The following DGKB variants were observed in gnomAD, a reference collection of about 807,000 sequenced individuals.
DGKB encodes the protein diacylglycerol kinase beta.
Under a neutral mutation model 114.3 loss-of-function variants are expected in DGKB, and 67 were observed. The observed-to-expected ratio is 0.59, with a 90% CI of 0.48 to 0.72. The LOEUF (loss-of-function observed/expected upper bound fraction) is 0.72. Among genes scored for constraint, DGKB ranks in the 30% least tolerant of loss-of-function variants. DGKB has a pLI of 0.00. For synonymous variants in DGKB, 398 were observed against 323.1 expected, an observed-to-expected ratio of 1.23 and a Z score of -2.49; for missense variants, 907 against 975.2, an observed-to-expected ratio of 0.93 and a Z score of 0.93.
chr7:14,681,716 C>G (rs1226390008), intron 12 of DGKB, among the ~76,000 whole-genome samples: 1 of 152,068 alleles, frequency 6.6e-6, no homozygotes, highest in Non-Finnish European at 1.5e-5. Context: ...TTCTAATTAA[C>G]TTACAGAAAT....
chr7:14,492,917 C>T (rs1784795955), intron 20 of DGKB, among the ~76,000 whole-genome samples: 1 of 152,012 alleles, frequency 6.6e-6, no homozygotes, highest in Non-Finnish European at 1.5e-5. Context: ...TAGTAATAGC[C>T]ATAGTCAAAT....
chr7:14,948,722 G>A (rs1786014336), intron 1 of DGKB, among the ~76,000 whole-genome samples: 2 of 151,562 alleles, frequency 1.3e-5, no homozygotes, highest in Admixed American at 6.6e-5. Flanking sequence ...ATTACATTTA[G>A]TAAAATATGA....
intron 25 of DGKB, among the ~76,000 whole-genome samples, chr7:14,175,328 C>T (rs1781569613): frequency 6.6e-6 from 1 of 152,174 alleles, no homozygotes; most frequent in Non-Finnish European, 1.5e-5. Context: ...TTAAGACCTT[C>T]CCCTGTTGCC....
chr7:14,337,593 A>G (rs553192206), intron 23 of DGKB, among the ~76,000 whole-genome samples: 17 of 152,238 alleles, frequency 1.1e-4, no homozygotes, highest in African/African-American at 3.8e-4. Flanking sequence ...GCTATTGCCC[A>G]CCACCATAAA....
intron 5 of DGKB, among the ~76,000 whole-genome samples, chr7:14,724,208 TA>T (rs1346745835): frequency 6.6e-6 from 1 of 152,214 alleles, no homozygotes; most frequent in African/African-American, 2.4e-5. Flanking sequence ...ATAGTATAAT[TA>T]TATTTCCAAC....
At position 14,172,404 on chromosome 7, in the gene DGKB, T is replaced by A. The variant is rs563054153; in HGVS notation, c.2304+4435A>T. On this transcript the variant is annotated intron_variant, in intron 25 of 25. Coordinates refer to ENST00000402815, the MANE Select transcript of DGKB (RefSeq NM_001350709.2). ...GGTTTTGCCAGGAATGAGAGAGAAA[T>A]GAATTGGGCCAAATCTAAAACAGTG... Among the ~76,000 whole-genome samples, 41 of 152,082 alleles carry A rather than the reference T, an allele frequency of 2.7e-4. No homozygotes were observed. In the South Asian group the frequency reaches 8.1e-3, roughly 30 times the overall value.
chr7:14,503,627 C>T (rs1786555053), intron 20 of DGKB, among the ~76,000 whole-genome samples: 1 of 152,094 alleles, frequency 6.6e-6, no homozygotes, highest in South Asian at 2.1e-4. Flanking sequence ...ATAAGATTAA[C>T]TCCGAGATTT....
chr7:14,853,141 A>G (rs1049900151), intron 1 of DGKB, among the ~76,000 whole-genome samples: 2 of 152,164 alleles, frequency 1.3e-5, no homozygotes, highest in African/African-American at 4.8e-5. Flanking sequence ...GAAAATCACT[A>G]TTGAAGCACG....
intron 23 of DGKB, among the ~76,000 whole-genome samples, chr7:14,331,306 G>A (rs1483728846): frequency 1.3e-5 from 2 of 151,962 alleles, no homozygotes; most frequent in African/African-American, 2.4e-5. Context: ...ACAACCAGGT[G>A]TAATAATGCT....
intron 1 of DGKB, among the ~76,000 whole-genome samples, chr7:14,927,921 T>G (rs1194781671): frequency 6.6e-6 from 1 of 152,062 alleles, no homozygotes; most frequent in Non-Finnish European, 1.5e-5. Context: ...ATTACATTAT[T>G]GGCTAGTATC....
In DGKB at chr7:14,241,520, A is replaced by G. The variant is rs1793639097; in HGVS notation, c.2123-63369T>C. ...TACATACGTCAGGAAATTGTCCTTAAGAAATCAGCTGACTTTAAGTAGCTT... is the reference window on the plus strand; with the variant it reads ...TACATACGTCAGGAAATTGTCCTTAGGAAATCAGCTGACTTTAAGTAGCTT... On this transcript the variant is annotated intron_variant, in intron 23 of 25. Transcript: ENST00000402815. 3.3e-5 allele frequency among the ~76,000 whole-genome samples: 5 copies of G among 152,178 alleles called. No individual in the cohort carries two copies. The South Asian group carries it at 8.3e-4, about 25-fold the overall frequency.
At chr7:14,350,365 G>A (rs1053888951) in intron 21 of DGKB, among the ~76,000 whole-genome samples, 23 of 151,572 alleles carry the variant, frequency 1.5e-4, no homozygotes, top group African/African-American at 5.1e-4. Context: ...GGCTTTCATC[G>A]GCTTAGTAAC....
Position 14,181,174 on chromosome 7 carries a change from T to A in DGKB, c.2123-3023A>T, listed in dbSNP as rs939856192. Among the ~76,000 whole-genome samples the A allele has an allele frequency of 2.0e-5, 3 of 152,210 alleles. No individual in the cohort carries two copies. The East Asian group carries it at 5.8e-4, about 29-fold the overall frequency. Reference sequence around the variant, plus strand: ...TTCACTGGTTTAGGTCTTGTCTATGTCTCTTTTTGTACTACAGAGGCACAG... The same window carrying A: ...TTCACTGGTTTAGGTCTTGTCTATGACTCTTTTTGTACTACAGAGGCACAG... On this transcript the variant is annotated intron_variant, in intron 23 of 25. Coordinates refer to ENST00000402815, the MANE Select transcript of DGKB (RefSeq NM_001350709.2).
chr7:14,152,176 G>T (rs773836260), intron 25 of DGKB, among the ~76,000 whole-genome samples: 26 of 152,136 alleles, frequency 1.7e-4, no homozygotes, highest in Non-Finnish European at 3.1e-4. Flanking sequence ...TATCCCCAAA[G>T]AATTTAGAAT....
chr7:14,193,069 T>C (rs1190131842), intron 23 of DGKB, among the ~76,000 whole-genome samples: 2 of 140,342 alleles, frequency 1.4e-5, no homozygotes, highest in Non-Finnish European at 3.1e-5. Flanking sequence ...GAAGCTTCAC[T>C]CTCACCTGCT....
intron 2 of DGKB, among the ~76,000 whole-genome samples, chr7:14,805,476 T>A (rs1748471894): frequency 6.6e-6 from 1 of 152,138 alleles, no homozygotes; most frequent in Non-Finnish European, 1.5e-5. Context: ...GGATCTGACC[T>A]TTGAACCTGC....
intron 23 of DGKB, among the ~76,000 whole-genome samples, chr7:14,278,469 T>C (rs2128448029): frequency 6.6e-6 from 1 of 152,282 alleles, no homozygotes; most frequent in African/African-American, 2.4e-5. Flanking sequence ...GATCCCTATC[T>C]CATACCATGT....
intron 23 of DGKB, among the ~76,000 whole-genome samples, 199 bp downstream of exon 23, chr7:14,338,316 C>A (rs566791999): frequency 2.0e-5 from 3 of 151,832 alleles, no homozygotes; most frequent in African/African-American, 7.3e-5. Flanking sequence ...AGAAGAATAA[C>A]GAAAAATGTA....
intron 23 of DGKB, among the ~76,000 whole-genome samples, chr7:14,279,787 C>T (rs930161597): frequency 3.4e-5 from 5 of 149,142 alleles, no homozygotes; most frequent in African/African-American, 1.2e-4. Flanking sequence ...AACAGACCTG[C>T]AGCTGAGGGT....
Sources: allele counts gnomAD v4.1 joint callset (sites outside exome capture counted in the v4.1 genomes callset), GRCh38; gene constraint gnomAD v4.1.1; transcripts MANE v1.5; gene names NCBI Gene and HGNC (gene_info 2026-07-23, HGNC 2026-07-21).